The following CPVL variants were observed in gnomAD, a reference collection of about 807,000 sequenced individuals.
The protein encoded by CPVL is carboxypeptidase vitellogenic like, also known as probable serine carboxypeptidase CPVL.
Under a neutral mutation model 63.7 loss-of-function variants are expected in CPVL, and 51 were observed. The observed-to-expected ratio is 0.80, with a 90% CI of 0.64 to 1.01. The LOEUF (loss-of-function observed/expected upper bound fraction) is 1.01. Among genes scored for constraint, CPVL ranks in the 50% least tolerant of loss-of-function variants. CPVL has a pLI of 0.00. For missense variants in CPVL, 530 were observed against 573.1 expected (o/e 0.92, Z 0.77); for synonymous variants, 195 against 206.0 (o/e 0.95, Z 0.46).
chr7:29,010,977 G>A (rs1217508623), intron 12 of CPVL: 1 of 152,162 alleles, frequency 6.6e-6, no homozygotes, highest in Non-Finnish European at 1.5e-5. Context: ...TCTATTCCAA[G>A]TCTAACACAG....
rs1395039787 is a variant in CPVL, at chr7:29,030,713, A to G, written c.1184T>C (p.Leu395Pro). The G allele has an allele frequency of 3.1e-6, 5 of 1,612,906 alleles. No homozygotes were observed. Among genetic ancestry groups the G allele is most frequent in the Non-Finnish European group, 4.2e-6 (5 of 1,179,610 alleles). ...CATGCCCATCAAGGAGCGCTCTGTC[A>G]GGGCAGCTGCCACGATGATGTCCAG... ...GQLDIIVAAA[L>P]TERSLMGMDW... The change falls in exon 12 of 13, where the codon CTG becomes CCG. Residue 395 changes from leucine to proline, a missense_variant. Coordinates refer to ENST00000265394, the MANE Select transcript of CPVL (RefSeq NM_031311.5).
At chr7:29,077,771 G>C (rs1248972496) in intron 7 of CPVL, among the ~76,000 whole-genome samples, 1 of 152,090 alleles carries the variant, frequency 6.6e-6, no homozygotes, top group Non-Finnish European at 1.5e-5. Context: ...AAGACCAGAG[G>C]GAAGAAGACA....
At chr7:29,108,990 G>C (rs1787994755) in intron 3 of CPVL, among the ~76,000 whole-genome samples, 1 of 152,134 alleles carries the variant, frequency 6.6e-6, no homozygotes, top group Admixed American at 6.5e-5. Flanking sequence ...TTCTAGTTGA[G>C]TAACTTGGGG....
At chr7:29,095,005 A>T in intron 5 of CPVL, 79 bp downstream of exon 5, 1 of 978,428 alleles carries the variant, frequency 1.0e-6, no homozygotes, top group South Asian at 1.5e-5. Flanking sequence ...TCTATTTTTT[A>T]AATGTACTTA....
chr7:29,173,990 C>T (rs1584554433), intron 5 of CPVL, among the ~76,000 whole-genome samples: 2 of 151,968 alleles, frequency 1.3e-5, no homozygotes, highest in African/African-American at 4.8e-5. Context: ...AGTATGCACT[C>T]ATATCTCATA....
chr7:29,116,809 T>C (rs562690361), intron 2 of CPVL, among the ~76,000 whole-genome samples: 4 of 152,232 alleles, frequency 2.6e-5, no homozygotes, highest in Admixed American at 6.5e-5. Flanking sequence ...AAAGTAAACA[T>C]GCAATTACAA....
rs2128583510 is a variant in CPVL, at chr7:29,076,875, GTTTTGAATCTTGGTTTGCGA to G, written c.610-4472_610-4453del. Reference sequence around the variant, plus strand: ...GCCTCAACATCATAGCTGAATAGTAGTTTTGAATCTTGGTTTGCGATTTTTTTTTCCAGCCTAATGGAAAT... The same window carrying G: ...GCCTCAACATCATAGCTGAATAGTAGTTTTTTTTTCCAGCCTAATGGAAAT... On this transcript the variant is annotated intron_variant, in intron 7 of 12. Transcript: ENST00000265394. Among the ~76,000 whole-genome samples, 2 of 152,306 alleles carry G rather than the reference GTTTTGAATCTTGGTTTGCGA, an allele frequency of 1.3e-5. 1 individual carries two copies. Among genetic ancestry groups the G allele is most frequent in the Admixed American group, 1.3e-4 (2 of 15,300 alleles).
chr7:29,050,406 C>CAA (rs35470901), intron 11 of CPVL, among the ~76,000 whole-genome samples: 2 of 148,256 alleles, frequency 1.3e-5, no homozygotes, highest in Admixed American at 6.7e-5. Context: ...ACGATAGCTG[C>CAA]AAAAAAAAAA....
intron 11 of CPVL, among the ~76,000 whole-genome samples, chr7:29,055,901 C>T (rs1241140235): frequency 6.6e-6 from 1 of 152,178 alleles, no homozygotes; most frequent in African/African-American, 2.4e-5. Context: ...TATTTTCCTT[C>T]ACAGAGTCTA....
chr7:29,101,548 T>C (rs555360702), intron 3 of CPVL, among the ~76,000 whole-genome samples: 257 of 152,280 alleles, frequency 1.7e-3, no homozygotes, highest in African/African-American at 6.0e-3. Flanking sequence ...TGAGCCAAAA[T>C]AGCGCCACTG....
intron 5 of CPVL, among the ~76,000 whole-genome samples, chr7:29,155,215 T>C (rs1794187271): frequency 6.6e-6 from 1 of 151,652 alleles, no homozygotes; most frequent in African/African-American, 2.4e-5. Context: ...TAAATGAAAA[T>C]AAAGAAGTAT....
chr7:29,036,383 A>T (rs1486446765), intron 11 of CPVL, among the ~76,000 whole-genome samples: 1 of 152,222 alleles, frequency 6.6e-6, no homozygotes, highest in Non-Finnish European at 1.5e-5. Flanking sequence ...AAGCAAGTTG[A>T]TCATCTGATA....
intron 1 of CPVL, among the ~76,000 whole-genome samples, chr7:29,128,511 T>C (rs1008014788): frequency 6.6e-6 from 1 of 150,850 alleles, no homozygotes; most frequent in Admixed American, 6.6e-5. Context: ...AGGTCAAGAG[T>C]TTAAGATCAG....
chr7:29,086,776 T>G (rs1785244871), intron 6 of CPVL, among the ~76,000 whole-genome samples: 5 of 152,328 alleles, frequency 3.3e-5, no homozygotes, highest in Admixed American at 2.0e-4. Context: ...CTGGGCATGT[T>G]TCCAAATTAC....
intron 11 of CPVL, among the ~76,000 whole-genome samples, chr7:29,053,972 G>A (rs1484662572): frequency 1.3e-5 from 2 of 152,040 alleles, no homozygotes; most frequent in African/African-American, 4.8e-5. Context: ...CTACTTGGGG[G>A]ACTGAGGCTG....
At chr7:29,131,536 TTTTG>T (rs1344717438) in intron 1 of CPVL, among the ~76,000 whole-genome samples, 1 of 152,130 alleles carries the variant, frequency 6.6e-6, no homozygotes, top group Non-Finnish European at 1.5e-5. Context: ...TTTTGTTTTG[TTTTG>T]TTTTTTTGAG....
intron 11 of CPVL, among the ~76,000 whole-genome samples, chr7:29,059,985 CT>C (rs1342962127): frequency 6.6e-6 from 1 of 152,084 alleles, no homozygotes; most frequent in Non-Finnish European, 1.5e-5. Context: ...GTTTGTTTGG[CT>C]TTTTACTGTT....
At chr7:29,126,129 T>G (rs929005375) in intron 1 of CPVL, among the ~76,000 whole-genome samples, 4 of 152,246 alleles carry the variant, frequency 2.6e-5, no homozygotes, top group African/African-American at 4.8e-5. Flanking sequence ...TTTTACTACA[T>G]TTTACTATTA....
At chr7:29,090,533 C>CA (rs1785661541) in intron 6 of CPVL, among the ~76,000 whole-genome samples, 1 of 152,136 alleles carries the variant, frequency 6.6e-6, no homozygotes, top group Non-Finnish European at 1.5e-5. Context: ...ATAGGTCCAC[C>CA]ACTAGACTGA....
Sources: allele counts gnomAD v4.1 joint callset (sites outside exome capture counted in the v4.1 genomes callset), GRCh38; gene constraint gnomAD v4.1.1; transcripts MANE v1.5; gene names NCBI Gene and HGNC (gene_info 2026-07-23, HGNC 2026-07-21).